The following PFKFB4 variants were observed in gnomAD, a reference collection of about 807,000 sequenced individuals.
The protein encoded by PFKFB4 is 6-phosphofructo-2-kinase/fructose-2,6-biphosphatase 4.
A neutral mutation model predicts 62.8 loss-of-function variants in PFKFB4; 42 were observed. That is an observed-to-expected ratio of 0.67 (90% CI 0.52 to 0.86). The LOEUF (loss-of-function observed/expected upper bound fraction) is 0.86. Ranked by LOEUF, PFKFB4 falls within the 40% of genes least tolerant of loss-of-function variation. The pLI is 0.00. For missense variants in PFKFB4, 475 were observed against 627.2 expected (o/e 0.76, Z 2.59); for synonymous variants, 204 against 240.7 (o/e 0.85, Z 1.41).
chr3:48,541,632 T>A (rs893951075), intron 4 of PFKFB4, among the ~76,000 whole-genome samples: 4 of 152,076 alleles, frequency 2.6e-5, no homozygotes, highest in Admixed American at 6.6e-5. Context: ...GCAAAACCTT[T>A]AACAAGAAAA....
intron 3 of PFKFB4, among the ~76,000 whole-genome samples, chr3:48,544,152 C>T (rs2042887851): frequency 6.6e-6 from 1 of 152,038 alleles, no homozygotes; most frequent in Admixed American, 6.6e-5. Context: ...GCTGGGATTA[C>T]AGGCGTGCAC....
At chr3:48,536,794 C>T in intron 7 of PFKFB4, 1 of 326,310 alleles carries the variant, frequency 3.1e-6, no homozygotes, top group Admixed American at 4.3e-5. Flanking sequence ...CCCCTGTTGG[C>T]CTATCTCCGC....
At chr3:48,546,581 C>T (rs1169550078) in intron 3 of PFKFB4, among the ~76,000 whole-genome samples, 2 of 152,216 alleles carry the variant, frequency 1.3e-5, no homozygotes, top group Non-Finnish European at 2.9e-5. Flanking sequence ...GTTAACACAG[C>T]AGGTATGAGA....
intron 4 of PFKFB4, among the ~76,000 whole-genome samples, 167 bp downstream of exon 4, chr3:48,543,413 G>A (rs952343906): frequency 6.6e-6 from 1 of 152,204 alleles, no homozygotes; most frequent in African/African-American, 2.4e-5. Flanking sequence ...TCCAGTCTCT[G>A]GCTTCCTCCT....
intron 11 of PFKFB4, 44 bp from the exon 12 acceptor site, chr3:48,523,643 G>T (rs779124600): frequency 1.2e-6 from 2 of 1,614,092 alleles, no homozygotes; most frequent in South Asian, 2.2e-5. Context: ...GAAATGCCTG[G>T]TGACAGTGCC....
intron 7 of PFKFB4, among the ~76,000 whole-genome samples, chr3:48,536,975 T>C (rs2042640861): frequency 6.6e-6 from 1 of 152,182 alleles, no homozygotes; most frequent in African/African-American, 2.4e-5. Context: ...GTCCTGGTCA[T>C]CCAAGTGTGC....
At chr3:48,553,496 T>A (rs1262438149) in intron 1 of PFKFB4, among the ~76,000 whole-genome samples, 6 of 151,742 alleles carry the variant, frequency 4.0e-5, no homozygotes, top group Admixed American at 6.6e-5. Flanking sequence ...AACACACTGT[T>A]TATAACATTG....
intron 13 of PFKFB4, among the ~76,000 whole-genome samples, chr3:48,520,692 A>G (rs779351754): frequency 3.3e-5 from 5 of 152,184 alleles, no homozygotes; most frequent in African/African-American, 4.8e-5. Flanking sequence ...GCCTGCCCCA[A>G]TGGATGGGCC....
At chr3:48,537,895 A>C (rs1044890774) in intron 7 of PFKFB4, among the ~76,000 whole-genome samples, 7 of 152,124 alleles carry the variant, frequency 4.6e-5, no homozygotes, top group Non-Finnish European at 1.0e-4. Flanking sequence ...CACTGAATGC[A>C]ATATTATATT....
chr3:48,560,808 G>C (rs926506397), upstream of PFKFB4, among the ~76,000 whole-genome samples: 4 of 152,230 alleles, frequency 2.6e-5, no homozygotes, highest in African/African-American at 9.6e-5. Flanking sequence ...GGCAGCGCCA[G>C]CTGGCGGTCC....
intron 5 of PFKFB4, 91 bp downstream of exon 5, chr3:48,539,606 C>T: frequency 2.8e-6 from 3 of 1,066,060 alleles, no homozygotes; most frequent in Admixed American, 1.8e-5. Context: ...CAGCCCCATG[C>T]CCCTCATGCA....
chr3:48,525,110 C>G (rs950398025), intron 10 of PFKFB4, among the ~76,000 whole-genome samples: 1 of 152,152 alleles, frequency 6.6e-6, no homozygotes, highest in African/African-American at 2.4e-5. Flanking sequence ...CTGCCATGGT[C>G]TCCCCAACTC....
At chr3:48,554,556 A>C (rs1181300593) in intron 1 of PFKFB4, among the ~76,000 whole-genome samples, 1 of 152,182 alleles carries the variant, frequency 6.6e-6, no homozygotes, top group African/African-American at 2.4e-5. Flanking sequence ...TCAGTTCCAC[A>C]CTTAGAGCCT....
upstream of PFKFB4, chr3:48,556,875 C>A: frequency 2.0e-6 from 3 of 1,464,758 alleles, no homozygotes; most frequent in South Asian, 1.4e-5. This position sits in a 1 kb window ranked among gnomAD's most constrained non-coding sequence, Gnocchi z 5.7. Context: ...CGCCCCTCCT[C>A]AAGCCGCGAC....
At chr3:48,530,834 G>A (rs184736305) in intron 9 of PFKFB4, among the ~76,000 whole-genome samples, 3 of 152,148 alleles carry the variant, frequency 2.0e-5, no homozygotes, top group African/African-American at 7.2e-5. Flanking sequence ...AGCCTCCCAC[G>A]TAGCTGGGAT....
rs770143470 is a variant in PFKFB4 at position 48,539,754 on chromosome 3, G to A, written c.396C>T (p.Asn132=). The change falls in exon 5 of 14, where the codon AAC becomes AAT. Residue 132 remains asparagine, a synonymous_variant. Coordinates refer to ENST00000232375, the MANE Select transcript of PFKFB4 (RefSeq NM_004567.4). ...GGHVAVFDAT[N]TTRERRATIF... is the part of the protein sequence containing the mutation. ...TGGTCGCTCTCCGTTCTCGGGTGGT[G>A]TTTGTGGCATCAAAAACCTAGGACC... is the stretch of plus-strand genomic sequence containing the variant. The A allele has an allele frequency of 2.0e-5, 32 of 1,614,004 alleles. No individual in the cohort carries two copies. In the East Asian group the frequency reaches 2.0e-4, roughly 10 times the overall value.
intron 5 of PFKFB4, 87 bp from the exon 6 acceptor site, chr3:48,539,397 C>T: frequency 8.6e-7 from 1 of 1,167,752 alleles, no homozygotes; most frequent in South Asian, 1.3e-5. Flanking sequence ...CGGAGCTCTC[C>T]ATCCCCTGAG....
intron 9 of PFKFB4, among the ~76,000 whole-genome samples, chr3:48,530,459 T>G (rs971749199): frequency 2.0e-5 from 3 of 152,172 alleles, no homozygotes; most frequent in African/African-American, 7.2e-5. Context: ...CCTGAGAATG[T>G]CTTTGAAAAG....
At chr3:48,561,113 C>T (rs1409041189), upstream of PFKFB4, 1 of 1,283,752 alleles carries the variant, frequency 7.8e-7, no homozygotes, top group Middle Eastern at 2.1e-4. This position sits in a 1 kb window ranked among gnomAD's most constrained non-coding sequence, Gnocchi z 5.2. Flanking sequence ...AGCCTCTGTC[C>T]ATCCTGCAAC....
Sources: gnomAD v4.1 joint callset for allele counts (sites outside exome capture counted in the v4.1 genomes callset) on GRCh38, gnomAD v4.1.1 for gene constraint, Gnocchi (gnomAD v3.1) non-coding constraint, MANE v1.5 for transcripts, NCBI Gene and HGNC (gene_info 2026-07-23, HGNC 2026-07-21) for gene names.